The following ANKDD1B variants were observed in gnomAD, a reference collection of about 807,000 sequenced individuals.
ANKDD1B encodes ankyrin repeat and death domain containing 1B.
A neutral mutation model predicts 59.7 loss-of-function variants in ANKDD1B; 57 were observed. The observed-to-expected ratio is 0.95, with a 90% CI of 0.77 to 1.19. The LOEUF is 1.19. ANKDD1B is among the 50% of genes most tolerant of loss of function. The probability of loss-of-function intolerance (pLI) is 0.00; values close to 1 mark genes in which losing one functional copy is unlikely to be tolerated. For synonymous variants in ANKDD1B, 216 were observed against 239.5 expected, an observed-to-expected ratio of 0.90 and a Z score of 0.91; for missense variants, 602 against 641.9, an observed-to-expected ratio of 0.94 and a Z score of 0.67.
chr5:75,625,752 A>G lies in ANKDD1B; in HGVS notation c.495+7A>G. 6.5e-7 allele frequency: 1 copy of G among 1,535,874 alleles called. No homozygotes were observed. The highest frequency in any genetic ancestry group is 8.7e-7 in the Non-Finnish European group (1 of 1,146,478). On this transcript the variant is annotated splice_region_variant and intron_variant, in intron 4 of 13. Coordinates refer to ENST00000601380, the MANE Select transcript of ANKDD1B (RefSeq NM_001276713.2). ...CCAGAGAGCCAAGAATCAGGTAGGT[A>G]TGTGGGTCACACCTGGACAAAAGCT...
At chr5:75,630,874 C>T (rs1375196876) in intron 5 of ANKDD1B, among the ~76,000 whole-genome samples, 2 of 152,210 alleles carry the variant, frequency 1.3e-5, no homozygotes, top group Admixed American at 1.3e-4. Flanking sequence ...GGAAAGATAG[C>T]TGTTAGCAGC....
intron 1 of ANKDD1B, among the ~76,000 whole-genome samples, chr5:75,613,010 T>C (rs1773612218): frequency 1.3e-5 from 2 of 152,172 alleles, no homozygotes; most frequent in African/African-American, 4.8e-5. Flanking sequence ...GAGAAGAACA[T>C]GTTACATGGA....
At chr5:75,647,997 C>G (rs1258080928) in intron 7 of ANKDD1B, among the ~76,000 whole-genome samples, 1 of 119,778 alleles carries the variant, frequency 8.3e-6, no homozygotes, top group Non-Finnish European at 1.6e-5. Flanking sequence ...TAAACTATCA[C>G]AAGAACAAAA....
chr5:75,656,373 C>G (rs1323474321), intron 9 of ANKDD1B, among the ~76,000 whole-genome samples: 1 of 152,150 alleles, frequency 6.6e-6, no homozygotes, highest in African/African-American at 2.4e-5. Context: ...GTTTAACAGG[C>G]CCAGCATTTT....
chr5:75,620,033 T>C (rs1773804668), intron 2 of ANKDD1B, among the ~76,000 whole-genome samples: 1 of 152,230 alleles, frequency 6.6e-6, no homozygotes, highest in African/African-American at 2.4e-5. Flanking sequence ...ATTATATTGC[T>C]ACAACATAAT....
chr5:75,636,345 A>T (rs1263726371), intron 7 of ANKDD1B, among the ~76,000 whole-genome samples: 2 of 152,192 alleles, frequency 1.3e-5, no homozygotes, highest in Non-Finnish European at 2.9e-5. Context: ...GCATGAGTAT[A>T]AAGTATTTCA....
At chr5:75,657,092 A>G (rs1774998200) in intron 9 of ANKDD1B, among the ~76,000 whole-genome samples, 1 of 152,212 alleles carries the variant, frequency 6.6e-6, no homozygotes, top group South Asian at 2.1e-4. Context: ...TTTGTTATTA[A>G]ATATACTTAT....
intron 5 of ANKDD1B, among the ~76,000 whole-genome samples, chr5:75,633,740 C>G (rs1774226026): frequency 2.6e-5 from 4 of 152,162 alleles, no homozygotes; most frequent in Admixed American, 2.0e-4. Flanking sequence ...TATGCTTTGT[C>G]CTCACCAGAA....
intron 11 of ANKDD1B, 148 bp downstream of exon 11, chr5:75,663,637 G>T: frequency 1.5e-6 from 1 of 674,428 alleles, no homozygotes. Context: ...GTCTTGTGCT[G>T]CCCCCATTCG....
intron 7 of ANKDD1B, among the ~76,000 whole-genome samples, chr5:75,638,941 A>G (rs1774388386): frequency 6.6e-6 from 1 of 152,212 alleles, no homozygotes; most frequent in Non-Finnish European, 1.5e-5. Flanking sequence ...TATTATAGGT[A>G]GTGCTGTCAC....
In ANKDD1B at chr5:75,616,907, T is replaced by C. The variant is rs1263270831; in HGVS notation, c.297T>C (p.Asn99=). The C allele has an allele frequency of 2.7e-6, 4 of 1,454,668 alleles. No individual in the cohort carries two copies. The highest frequency in any genetic ancestry group is 1.4e-5 in the African/African-American group (1 of 71,364). 90.1% of individuals were successfully genotyped at this position (1,454,668 alleles called of 1,614,324 possible). A position where few individuals can be genotyped will look rare whatever the true frequency, so the allele number is the denominator to read the frequency against. The part of the protein sequence containing the change: ...EKKVNINVVN[N]MNRTALHFAV... ...AGGTTAACATTAATGTTGTGAACAATGTGAGTAGAAGTCATAAATATGACA... is the reference window on the plus strand; with the variant it reads ...AGGTTAACATTAATGTTGTGAACAACGTGAGTAGAAGTCATAAATATGACA... The change falls in exon 2 of 14, where the codon AAT becomes AAC. Residue 99 remains asparagine, a splice_region_variant and synonymous_variant. Transcript: ENST00000601380.
rs1775482453 is a variant in ANKDD1B at position 75,671,452 on chromosome 5, T to C, written c.*412T>C. The C allele has an allele frequency of 6.5e-6, 1 of 152,914 alleles. No homozygotes were observed. Among genetic ancestry groups the C allele is most frequent in the Non-Finnish European group, 1.5e-5 (1 of 68,522 alleles). The allele number at this position is 152,914 out of a possible 1,614,324, so 9.5% of individuals were successfully genotyped here. A position where few individuals can be genotyped will look rare whatever the true frequency, so the allele number is the denominator to read the frequency against. On this transcript the variant is annotated 3_prime_UTR_variant, in exon 14 of 14. Transcript: ENST00000601380. The stretch of plus-strand genomic sequence containing the variant: ...ATGTGAACCTTTGGGCATGTTAATG[T>C]TGTTTACGTTCTTAGATCTTCAGTT...
chr5:75,663,602 C>A, intron 11 of ANKDD1B, 113 bp downstream of exon 11: 1 of 836,340 alleles, frequency 1.2e-6, no homozygotes, highest in Non-Finnish European at 1.9e-6. Flanking sequence ...GAGCTCTGGT[C>A]AGTACAATTA....
intron 2 of ANKDD1B, among the ~76,000 whole-genome samples, chr5:75,617,533 G>A (rs1389993685): frequency 6.6e-6 from 1 of 152,086 alleles, no homozygotes; most frequent in African/African-American, 2.4e-5. Context: ...AGTCCTTTGA[G>A]GCCAGGTTTA....
intron 7 of ANKDD1B, among the ~76,000 whole-genome samples, chr5:75,645,186 G>T (rs1774608432): frequency 1.1e-5 from 1 of 93,384 alleles, no homozygotes; most frequent in East Asian, 3.0e-4. Context: ...ACAATTAAAA[G>T]AACTAGAAAA....
At chr5:75,622,853 C>T (rs1773890285) in intron 3 of ANKDD1B, among the ~76,000 whole-genome samples, 1 of 152,104 alleles carries the variant, frequency 6.6e-6, no homozygotes, top group Non-Finnish European at 1.5e-5. Flanking sequence ...GGGGAGTTTA[C>T]ACCTGTGAGC....
chr5:75,632,200 G>A (rs1774184861), intron 5 of ANKDD1B, among the ~76,000 whole-genome samples: 1 of 151,992 alleles, frequency 6.6e-6, no homozygotes, highest in African/African-American at 2.4e-5. Context: ...TTGATTTAAG[G>A]AAGCCATCTA....
intron 12 of ANKDD1B, 79 bp from the exon 13 acceptor site, chr5:75,669,173 T>A: frequency 8.2e-7 from 1 of 1,216,284 alleles, no homozygotes. Context: ...ATTCAGAAAG[T>A]TTAGTTGGAA....
intron 7 of ANKDD1B, among the ~76,000 whole-genome samples, chr5:75,639,826 A>T (rs1019678359): frequency 6.6e-6 from 1 of 152,148 alleles, no homozygotes; most frequent in South Asian, 2.1e-4. Flanking sequence ...TTTTTCCTCT[A>T]TGTTTTGGCC....
Sources: allele counts gnomAD v4.1 joint callset (sites outside exome capture counted in the v4.1 genomes callset), GRCh38; gene constraint gnomAD v4.1.1; transcripts MANE v1.5; gene names NCBI Gene and HGNC (gene_info 2026-07-23, HGNC 2026-07-21).